FAT4: variants seen among roughly 807,000 people sequenced by gnomAD.
FAT4 encodes FAT atypical cadherin 4, also known as protocadherin Fat 4.
FAT4 carries 84 observed loss-of-function variants against 303.9 expected under a neutral mutation model. That is an observed-to-expected ratio of 0.28 (90% confidence interval 0.23 to 0.33). FAT4 has a LOEUF of 0.33. FAT4 is among the 10% of genes least tolerant of loss of function. The pLI is 1.00. For missense variants in FAT4, 6,005 were observed against 6,146.8 expected (o/e 0.98, Z 0.77); for synonymous variants, 2,307 against 2,298.8 (o/e 1.00, Z -0.10).
chr4:125,372,281 G>C (rs1733146845), intron 2 of FAT4, among the ~76,000 whole-genome samples: 1 of 151,030 alleles, frequency 6.6e-6, no homozygotes, highest in African/African-American at 2.4e-5. Flanking sequence ...AGGATCGCTT[G>C]AACCCAGAAG....
intron 2 of FAT4, among the ~76,000 whole-genome samples, chr4:125,398,329 A>G (rs538587740): frequency 1.4e-4 from 22 of 152,254 alleles, no homozygotes; most frequent in African/African-American, 4.3e-4. Flanking sequence ...AGTGATTCTT[A>G]AAACAACATG....
intron 10 of FAT4, among the ~76,000 whole-genome samples, chr4:125,453,296 GTTGA>G (rs1560618882): frequency 6.6e-6 from 1 of 152,134 alleles, no homozygotes; most frequent in African/African-American, 2.4e-5. Flanking sequence ...AATGATTGTT[GTTGA>G]TTCTTTATCA....
chr4:125,479,006 C>A (rs1221715470), intron 14 of FAT4, among the ~76,000 whole-genome samples: 1 of 152,048 alleles, frequency 6.6e-6, no homozygotes. Flanking sequence ...CTTCTTGTGC[C>A]CTGAGCTCCA....
chr4:125,448,814 T>A lies in FAT4; in HGVS notation c.7804T>A (p.Ser2602Thr). 4.3e-6 allele frequency: 7 copies of A among 1,609,208 alleles called. No homozygotes were observed. The highest frequency in any genetic ancestry group is 5.9e-6 in the Non-Finnish European group (7 of 1,179,836). The change falls in exon 10 of 18, where the codon TCA becomes ACA. Residue 2602 changes from serine (S) to threonine (T), a missense_variant. Physicochemically the swap from Ser to Thr is moderately conservative, Grantham distance 58. Transcript: ENST00000394329. ...ATCCTCTTTAAGAGGAGAACCTATGTCATATTATATCGCAAGTGGGAATCT... is the reference window on the plus strand; with the variant it reads ...ATCCTCTTTAAGAGGAGAACCTATGACATATTATATCGCAAGTGGGAATCT... ...TGSSLRGEPM[S>T]YYIASGNLGN...
Position 125,317,267 on chromosome 4 carries a change from C to A in FAT4, c.856C>A (p.Arg286Ser), listed in dbSNP as rs1030430081. Reference sequence around the variant, plus strand: ...GGACGAGGGCACCAACGCGGACATCCGCTATCGCCTGCAGGACGAGGGGAC... The same window carrying A: ...GGACGAGGGCACCAACGCGGACATCAGCTATCGCCTGCAGGACGAGGGGAC... ...DADEGTNADI[R>S]YRLQDEGTPF... The change falls in exon 2 of 18, where the codon CGC becomes AGC. Residue 286 changes from arginine to serine, a missense_variant. By Grantham distance (110) the Arg-to-Ser change is moderately radical. Coordinates refer to ENST00000394329, the MANE Select transcript of FAT4 (RefSeq NM_001291303.3). This position sits in a 1 kb window ranked among gnomAD's most constrained non-coding sequence, Gnocchi z 7.0. 3.2e-6 allele frequency: 5 copies of A among 1,580,546 alleles called. No homozygotes were observed. In the African/African-American group the frequency reaches 4.0e-5, roughly 13 times the overall value.
In FAT4 at chr4:125,319,075, C is replaced by T. The variant is rs765805822; in HGVS notation, c.2664C>T (p.Asp888=). Residue 888 remains aspartate (D), a synonymous_variant, in exon 2 of 18, where the codon GAC becomes GAT. Transcript: ENST00000394329. ...ACATAACAGTTAAGGATTTGAATGA[C>T]AACTCTCCCCATTTCCTTCAGGCAA... ...MVNITVKDLN[D]NSPHFLQAIE... is the part of the protein sequence containing the mutation. The T allele has an allele frequency of 1.2e-6, 2 of 1,614,114 alleles. No homozygotes were observed. Among genetic ancestry groups the T allele is most frequent in the South Asian group, 1.1e-5 (1 of 91,062 alleles).
Position 125,319,085 on chromosome 4 carries a change from C to T in FAT4, c.2674C>T (p.His892Tyr), listed in dbSNP as rs1441423162. ...TAAGGATTTGAATGACAACTCTCCC[C>T]ATTTCCTTCAGGCAATAGAGAGTGT... ...TVKDLNDNSP[H>Y]FLQAIESVNV... Residue 892 changes from histidine (H) to tyrosine (Y), a missense_variant, in exon 2 of 18, where the codon CAT becomes TAT. Transcript: ENST00000394329. 3.7e-6 allele frequency: 6 copies of T among 1,614,030 alleles called. No individual in the cohort carries two copies. In the South Asian group the frequency reaches 5.5e-5, roughly 15 times the overall value.
rs1172646458 is a variant in FAT4 at position 125,481,617 on chromosome 4, G to A, written c.12701G>A (p.Ser4234Asn). Residue 4234 changes from serine (S) to asparagine (N), a missense_variant, in exon 16 of 18, where the codon AGC (serine) becomes AAC (asparagine). Coordinates refer to ENST00000394329, the MANE Select transcript of FAT4 (RefSeq NM_001291303.3). ...AAGCGGGAATATTTGTTAAGGCAAA[G>A]CTTACGAGGTGCCATGTTGGAGCCT... Reference protein sequence around the residue: ...NEKREYLLRQSLRGAMLEPFG... With the variant: ...NEKREYLLRQNLRGAMLEPFG... 1.2e-6 allele frequency: 2 copies of A among 1,613,956 alleles called. No individual in the cohort carries two copies. The highest frequency in any genetic ancestry group is 4.5e-5 in the East Asian group (2 of 44,880).
intron 2 of FAT4, among the ~76,000 whole-genome samples, chr4:125,392,838 C>T (rs1734024045): frequency 6.6e-6 from 1 of 152,144 alleles, no homozygotes; most frequent in African/African-American, 2.4e-5. Context: ...AGATCAGAGA[C>T]ATTGTGTCTT....
Position 125,416,520 on chromosome 4 carries a change from A to G in FAT4, c.6916A>G (p.Asn2306Asp). The G allele has an allele frequency of 6.2e-7, 1 of 1,614,066 alleles. No individual in the cohort carries two copies. ...TGTTCTGTTTGGTGGTAATGAAGAC[A>G]ATGCTTTTACTCTCTCAGCCAGTGG... ...SYVLFGGNED[N>D]AFTLSASGEL... is the part of the protein sequence containing the mutation. The change falls in exon 7 of 18, where the codon AAT (asparagine) becomes GAT (aspartate). Residue 2306 changes from asparagine (N) to aspartate (D), a missense_variant. Coordinates refer to ENST00000394329, the MANE Select transcript of FAT4 (RefSeq NM_001291303.3).
At chr4:125,442,317 C>CT (rs959366947) in intron 8 of FAT4, among the ~76,000 whole-genome samples, 18 of 151,882 alleles carry the variant, frequency 1.2e-4, no homozygotes, top group East Asian at 1.9e-4. Flanking sequence ...TTGTAATTAC[C>CT]TTTTTTTTAT....
At chr4:125,350,096 A>G (rs1011870288) in intron 2 of FAT4, among the ~76,000 whole-genome samples, 11 of 151,720 alleles carry the variant, frequency 7.3e-5, no homozygotes, top group African/African-American at 2.7e-4. Context: ...TGAATAATTT[A>G]TATTATGATT....
chr4:125,444,366 A>T (rs1725757027), intron 8 of FAT4, among the ~76,000 whole-genome samples: 1 of 152,110 alleles, frequency 6.6e-6, no homozygotes, highest in South Asian at 2.1e-4. Context: ...GGCTGAACTC[A>T]TTCTTTTATC....
chr4:125,453,427 G>C (rs1315640667), intron 10 of FAT4, among the ~76,000 whole-genome samples: 2 of 152,046 alleles, frequency 1.3e-5, no homozygotes, highest in African/African-American at 4.8e-5. Context: ...TGTGTTATTG[G>C]GCCAGGCAAG....
chr4:125,478,466 T>C (rs115512538), intron 14 of FAT4, among the ~76,000 whole-genome samples: 69 of 152,244 alleles, frequency 4.5e-4, no homozygotes, highest in African/African-American at 1.7e-3. Context: ...GAAACAAAAC[T>C]TTTAGACTTA....
rs535611051 is a variant in FAT4 at position 125,329,483 on chromosome 4, G to T, written c.5175+7897G>T. Among the ~76,000 whole-genome samples, 6 of 152,136 alleles carry T rather than the reference G, an allele frequency of 3.9e-5. No individual in the cohort carries two copies. The East Asian group carries it at 1.2e-3, about 29-fold the overall frequency. On this transcript the variant is annotated intron_variant, in intron 2 of 17. Transcript: ENST00000394329. The stretch of plus-strand genomic sequence containing the variant: ...GACCAATCACTTCTCAGCCTCGTTC[G>T]CAAGCATCTCACCATGTCCTCAAAC...
intron 8 of FAT4, among the ~76,000 whole-genome samples, chr4:125,440,477 C>G (rs1275318132): frequency 6.6e-6 from 1 of 151,820 alleles, no homozygotes; most frequent in African/African-American, 2.4e-5. Flanking sequence ...AATATTATTT[C>G]TTATCATCCT....
At chr4:125,358,982 G>A (rs1256111659) in intron 2 of FAT4, among the ~76,000 whole-genome samples, 2 of 152,070 alleles carry the variant, frequency 1.3e-5, no homozygotes, top group African/African-American at 2.4e-5. Context: ...CCTTATCATT[G>A]TTTTATTAAG....
intron 2 of FAT4, among the ~76,000 whole-genome samples, chr4:125,378,115 A>T (rs937954584): frequency 1.3e-5 from 2 of 152,120 alleles, no homozygotes; most frequent in Non-Finnish European, 2.9e-5. Context: ...CCTGCTCCAG[A>T]TTAACAGATG....
Sources: allele counts gnomAD v4.1 joint callset (sites outside exome capture counted in the v4.1 genomes callset), GRCh38; gene constraint gnomAD v4.1.1; non-coding constraint Gnocchi (gnomAD v3.1); transcripts MANE v1.5; gene names NCBI Gene and HGNC (gene_info 2026-07-23, HGNC 2026-07-21).